SHB: variants seen among roughly 807,000 people sequenced by gnomAD.
The protein encoded by SHB is SH2 domain containing adaptor protein B, also known as SH2 domain-containing adapter protein B.
In SHB, 20 loss-of-function variants were observed where a neutral mutation model predicts 52.3. The ratio of observed to expected loss-of-function variants is 0.38; its 90% CI spans 0.27 to 0.56. The LOEUF is 0.56. Ranked by LOEUF, SHB falls within the 20% of genes least tolerant of loss-of-function variation. The pLI is 0.71. For missense variants in SHB, 825 were observed against 723.3 expected (o/e 1.14, Z -1.61); for synonymous variants, 397 against 316.5 (o/e 1.25, Z -2.70).
chr9:37,949,756 C>T (rs571903338), intron 4 of SHB, among the ~76,000 whole-genome samples: 24 of 152,336 alleles, frequency 1.6e-4, no homozygotes, highest in African/African-American at 5.8e-4. Flanking sequence ...AGGGAGGTAG[C>T]TGTCCATGCT....
intron 2 of SHB, among the ~76,000 whole-genome samples, chr9:38,009,542 G>C (rs1821111919): frequency 6.6e-6 from 1 of 152,260 alleles, no homozygotes; most frequent in East Asian, 1.9e-4. Context: ...GCAGAGCCAA[G>C]GCTAGAACCT....
rs774279173 is a variant in SHB, at chr9:38,068,622, G to A, written c.24C>T (p.Tyr8=). 8 of 1,484,324 alleles carry A rather than the reference G, an allele frequency of 5.4e-6. No homozygotes were observed. In the South Asian group the frequency reaches 6.5e-5, roughly 12 times the overall value. 91.9% of individuals were successfully genotyped at this position (1,484,324 alleles called of 1,614,324 possible). A position where few individuals can be genotyped will look rare whatever the true frequency, so the allele number is the denominator to read the frequency against. ...TGGTCTTGCTGTTGCCCAAGCTGAA[G>A]TACTTGTTTAGCCACTTGGCCATGG... MAKWLNK[Y]FSLGNSKTKS... Residue 8 remains tyrosine, a synonymous_variant, in exon 1 of 6, where the codon TAC becomes TAT. Transcript: ENST00000377707.
intron 2 of SHB, among the ~76,000 whole-genome samples, chr9:38,010,125 T>C (rs1323400156): frequency 2.0e-5 from 3 of 152,242 alleles, no homozygotes; most frequent in Admixed American, 1.3e-4. Context: ...CTCCAGAAGG[T>C]GCATCTTGGT....
chr9:37,928,621 C>T (rs1411722087), intron 5 of SHB, among the ~76,000 whole-genome samples: 1 of 152,260 alleles, frequency 6.6e-6, no homozygotes, highest in Non-Finnish European at 1.5e-5. Flanking sequence ...AGCCACACCA[C>T]TCGCTAGACG....
intron 1 of SHB, among the ~76,000 whole-genome samples, chr9:38,021,381 C>T (rs924242722): frequency 1.3e-5 from 2 of 151,976 alleles, no homozygotes; most frequent in African/African-American, 4.8e-5. Flanking sequence ...TGAGGCTGGG[C>T]ACGGTGGCTC....
rs769615870 is a variant in SHB at position 38,068,186 on chromosome 9, A to C, written c.460T>G (p.Ser154Ala). 1.4e-6 allele frequency: 2 copies of C among 1,414,746 alleles called. No individual in the cohort carries two copies. The highest frequency in any genetic ancestry group is 1.8e-6 in the Non-Finnish European group (2 of 1,097,708). The allele number at this position is 1,414,746 out of a possible 1,614,324, so 87.6% of individuals were successfully genotyped here. The stretch of plus-strand genomic sequence containing the variant: ...TAGAGATGCGGAGAGCCGGAGGACG[A>C]GGACGAGGACGCGGCGGCCCCCGCG... ...SGAGAAASSS[S>A]SSGSPHLYRS... Residue 154 changes from serine (S) to alanine (A), a missense_variant, in exon 1 of 6, where the codon TCG becomes GCG. By Grantham distance (99) the Ser-to-Ala change is moderately conservative. Transcript: ENST00000377707.
At chr9:38,016,571 G>A (rs765451242) in intron 1 of SHB, among the ~76,000 whole-genome samples, 1 of 152,224 alleles carries the variant, frequency 6.6e-6, no homozygotes, top group African/African-American at 2.4e-5. Context: ...AGGCACAGAA[G>A]AGTTTGTCTA....
At chr9:38,009,621 C>A (rs949676824) in intron 2 of SHB, among the ~76,000 whole-genome samples, 36 of 152,236 alleles carry the variant, frequency 2.4e-4, no homozygotes, top group African/African-American at 8.2e-4. Flanking sequence ...ACATGATAAA[C>A]CCCATGATTC....
rs537761024 is a variant in SHB, at chr9:38,048,967, AATAC to A, written c.717+18958_717+18961del. On this transcript the variant is annotated intron_variant, in intron 1 of 5. Coordinates refer to ENST00000377707, the MANE Select transcript of SHB (RefSeq NM_003028.3). ...AAGTCTACAACATTTTTAGGGCAAC[AATAC>A]AGTCTATTCACAGGCACCTTCTCAG... 1.9e-3 allele frequency among the ~76,000 whole-genome samples: 284 copies of A among 152,324 alleles called. 4 individuals are homozygous for A. Among genetic ancestry groups the A allele is most frequent in the Non-Finnish European group, 1.1e-3 (78 of 68,030 alleles).
chr9:37,938,120 C>A (rs919569916), intron 5 of SHB, among the ~76,000 whole-genome samples: 3 of 152,222 alleles, frequency 2.0e-5, no homozygotes, highest in Non-Finnish European at 2.9e-5. Flanking sequence ...GCCCCTACAG[C>A]ACAAAGGCTC....
intron 1 of SHB, among the ~76,000 whole-genome samples, chr9:38,055,204 G>C (rs1448683683): frequency 6.6e-6 from 1 of 152,158 alleles, no homozygotes; most frequent in Non-Finnish European, 1.5e-5. Context: ...AGTCATGTTC[G>C]GCAGTGTTCA....
chr9:38,051,714 A>C (rs1358155029), intron 1 of SHB, among the ~76,000 whole-genome samples: 1 of 152,174 alleles, frequency 6.6e-6, no homozygotes, highest in Non-Finnish European at 1.5e-5. Context: ...GCAGGAGCTG[A>C]CTGATGGCAA....
chr9:38,017,133 C>T (rs138688718), intron 1 of SHB, among the ~76,000 whole-genome samples: 7 of 152,306 alleles, frequency 4.6e-5, no homozygotes, highest in South Asian at 4.1e-4. Flanking sequence ...CAGAACCCAC[C>T]GAATCCACGC....
intron 5 of SHB, 129 bp from the exon 6 acceptor site, chr9:37,920,133 C>T (rs1832159447): frequency 2.8e-6 from 2 of 708,982 alleles, no homozygotes; most frequent in East Asian, 2.6e-5. Context: ...CCTCTCCAAG[C>T]CAGGACCGAG....
Position 37,932,458 on chromosome 9 carries a change from C to T in SHB, c.1347-12454G>A, listed in dbSNP as rs552907486. Reference sequence around the variant, plus strand: ...CAAAAGAGCAGACATGCAGGATGAACAAGTCTAGAGAGCTGATGCACAACA... The same window carrying T: ...CAAAAGAGCAGACATGCAGGATGAATAAGTCTAGAGAGCTGATGCACAACA... On this transcript the variant is annotated intron_variant, in intron 5 of 5. Transcript: ENST00000377707. 8.3e-5 allele frequency among the ~76,000 whole-genome samples: 12 copies of T among 144,994 alleles called. No individual in the cohort carries two copies. The East Asian group carries it at 1.9e-3, about 22-fold the overall frequency.
chr9:37,958,316 A>G (rs1481528949), intron 3 of SHB, among the ~76,000 whole-genome samples: 1 of 152,200 alleles, frequency 6.6e-6, no homozygotes, highest in African/African-American at 2.4e-5. Flanking sequence ...GAGGAGGACT[A>G]CGGGTGACCA....
At chr9:38,049,590 A>G (rs1446434221) in intron 1 of SHB, among the ~76,000 whole-genome samples, 1 of 148,836 alleles carries the variant, frequency 6.7e-6, no homozygotes, top group Non-Finnish European at 1.5e-5. Context: ...CCTGGGCAAC[A>G]CAGCAAGACT....
At chr9:37,996,751 C>T (rs1200879753) in intron 2 of SHB, among the ~76,000 whole-genome samples, 4 of 152,324 alleles carry the variant, frequency 2.6e-5, no homozygotes, top group East Asian at 1.9e-4. Context: ...CTACTGTAGT[C>T]TCTTAATCAC....
intron 5 of SHB, among the ~76,000 whole-genome samples, chr9:37,924,868 T>C (rs890506956): frequency 6.6e-6 from 1 of 152,162 alleles, no homozygotes; most frequent in African/African-American, 2.4e-5. Flanking sequence ...TGAACCTATG[T>C]TTGTTGAACT....
Sources: gnomAD v4.1 joint callset for allele counts (sites outside exome capture counted in the v4.1 genomes callset) on GRCh38, gnomAD v4.1.1 for gene constraint, MANE v1.5 for transcripts, NCBI Gene and HGNC (gene_info 2026-07-23, HGNC 2026-07-21) for gene names.